Variants in ATP8A2 observed in about 807,000 individuals in gnomAD.
ATP8A2 encodes phospholipid-transporting ATPase IB.
Under a neutral mutation model 165.6 loss-of-function variants are expected in ATP8A2, and 100 were observed. The observed-to-expected ratio is 0.60, with a 90% confidence interval of 0.51 to 0.71. The LOEUF is 0.71. ATP8A2 is among the 30% of genes least tolerant of loss of function. The pLI is 0.00. For synonymous variants in ATP8A2, 543 were observed against 548.8 expected (o/e 0.99, Z 0.15); for missense variants, 1,227 against 1,479.5 (o/e 0.83, Z 2.80).
At chr13:26,018,026 T>A (rs1462017726) in intron 36 of ATP8A2, among the ~76,000 whole-genome samples, 1 of 152,230 alleles carries the variant, frequency 6.6e-6, no homozygotes, top group Non-Finnish European at 1.5e-5. Context: ...TCACCCTGGC[T>A]CAGCTTGTAT....
chr13:25,613,153 C>T (rs1258030891), intron 24 of ATP8A2, among the ~76,000 whole-genome samples: 1 of 152,138 alleles, frequency 6.6e-6, no homozygotes, highest in African/African-American at 2.4e-5. Flanking sequence ...AGGTACTATT[C>T]TATTCATCAT....
At chr13:25,698,866 A>G (rs1051319945) in intron 24 of ATP8A2, among the ~76,000 whole-genome samples, 10 of 152,202 alleles carry the variant, frequency 6.6e-5, no homozygotes, top group Non-Finnish European at 1.0e-4. Context: ...ATCTTTCCCC[A>G]AAAAGCACAT....
chr13:25,414,225 C>T (rs1292114962), intron 1 of ATP8A2, among the ~76,000 whole-genome samples: 1 of 140,036 alleles, frequency 7.1e-6, no homozygotes, highest in Non-Finnish European at 1.5e-5. Flanking sequence ...GAGTCTCGCT[C>T]TGTCGCCCAG....
At chr13:25,955,465 A>G (rs1159465230) in intron 33 of ATP8A2, among the ~76,000 whole-genome samples, 1 of 152,276 alleles carries the variant, frequency 6.6e-6, no homozygotes, top group Non-Finnish European at 1.5e-5. Flanking sequence ...TCCCATAGAA[A>G]TACAAACTAC....
intron 1 of ATP8A2, among the ~76,000 whole-genome samples, chr13:25,427,634 G>A (rs1566124217): frequency 6.6e-6 from 1 of 152,152 alleles, no homozygotes; most frequent in Non-Finnish European, 1.5e-5. Flanking sequence ...AGTGGCTCAT[G>A]CCTGTAATCC....
In ATP8A2 at chr13:25,553,682, C is replaced by T. The variant is rs138639453; in HGVS notation, c.1058-111C>T. The T allele has an allele frequency of 4.4e-3, 4,942 of 1,123,814 alleles. 15 individuals carry two copies. The highest frequency in any genetic ancestry group is 5.4e-3 in the Non-Finnish European group (4,170 of 778,532). The allele number at this position is 1,123,814 out of a possible 1,614,324, so 69.6% of individuals were successfully genotyped here. A position where few individuals can be genotyped will look rare whatever the true frequency, so the allele number is the denominator to read the frequency against. ...CTACAGAAAGCAGCCTTTGAACTCACGGTTCCTGACATGCAGGAGGTGCTC... is the reference window on the plus strand; with the variant it reads ...CTACAGAAAGCAGCCTTTGAACTCATGGTTCCTGACATGCAGGAGGTGCTC... On this transcript the variant is annotated intron_variant, in intron 11 of 36. Coordinates refer to ENST00000381655, the MANE Select transcript of ATP8A2 (RefSeq NM_016529.6).
chr13:25,608,940 C>G (rs1404291876), intron 24 of ATP8A2, among the ~76,000 whole-genome samples: 2 of 152,094 alleles, frequency 1.3e-5, no homozygotes, highest in East Asian at 3.9e-4. Context: ...AATCCAGTGT[C>G]AAAGAGGAAA....
chr13:25,446,348 C>T (rs1028376268), intron 1 of ATP8A2, among the ~76,000 whole-genome samples: 5 of 152,168 alleles, frequency 3.3e-5, no homozygotes, highest in African/African-American at 7.2e-5. Context: ...CCCAAATGAG[C>T]GCAGAATTTG....
chr13:25,719,283 G>A (rs1182110876), intron 25 of ATP8A2, among the ~76,000 whole-genome samples: 1 of 138,348 alleles, frequency 7.2e-6, no homozygotes, highest in African/African-American at 3.3e-5. Flanking sequence ...ATTCACAGAG[G>A]AGAAAGAAAA....
At chr13:25,751,209 GC>G (rs576050283) in intron 25 of ATP8A2, among the ~76,000 whole-genome samples, 1,639 of 152,256 alleles carry the variant, frequency 0.011, 17 homozygotes, top group Non-Finnish European at 0.019. Context: ...TGCCCTGAGG[GC>G]CCCAGACTGT....
chr13:25,942,572 A>G (rs1219616528), intron 33 of ATP8A2, among the ~76,000 whole-genome samples: 1 of 152,056 alleles, frequency 6.6e-6, no homozygotes, highest in Admixed American at 6.6e-5. Flanking sequence ...ACAGGTGCGT[A>G]CCACCACACC....
intron 33 of ATP8A2, among the ~76,000 whole-genome samples, chr13:25,914,621 C>G (rs568290300): frequency 5.3e-5 from 8 of 152,178 alleles, no homozygotes; most frequent in Admixed American, 1.3e-4. Flanking sequence ...TGGTGTGGCC[C>G]TGTCATCTTC....
At chr13:25,664,275 A>G (rs1456069002) in intron 24 of ATP8A2, among the ~76,000 whole-genome samples, 1 of 152,238 alleles carries the variant, frequency 6.6e-6, no homozygotes, top group African/African-American at 2.4e-5. Flanking sequence ...ATCTTTACTT[A>G]CAATAAAATA....
chr13:25,847,303 A>G (rs1456843688), intron 30 of ATP8A2, among the ~76,000 whole-genome samples: 1 of 152,220 alleles, frequency 6.6e-6, no homozygotes, highest in African/African-American at 2.4e-5. Context: ...CAGGTTTCCA[A>G]ATTCAAATGC....
intron 1 of ATP8A2, among the ~76,000 whole-genome samples, chr13:25,433,797 A>C (rs2034678668): frequency 6.6e-6 from 1 of 152,230 alleles, no homozygotes; most frequent in African/African-American, 2.4e-5. Flanking sequence ...CTACACAGCC[A>C]TAAAACAGAA....
At chr13:25,496,720 A>G (rs1220800416) in intron 2 of ATP8A2, among the ~76,000 whole-genome samples, 1 of 152,216 alleles carries the variant, frequency 6.6e-6, no homozygotes. Context: ...AGGATTTTAA[A>G]AAAAGTCCTA....
chr13:25,717,257 G>A (rs2043273587), intron 25 of ATP8A2, among the ~76,000 whole-genome samples: 1 of 152,126 alleles, frequency 6.6e-6, no homozygotes, highest in Admixed American at 6.5e-5. Context: ...GGGAGGATTT[G>A]TAGTCACATA....
intron 33 of ATP8A2, among the ~76,000 whole-genome samples, chr13:25,905,341 T>G (rs533245378): frequency 6.6e-6 from 1 of 152,286 alleles, no homozygotes; most frequent in South Asian, 2.1e-4. Flanking sequence ...CGAATTTAGT[T>G]TCCTATTATC....
intron 21 of ATP8A2, 138 bp downstream of exon 21, chr13:25,579,037 C>T: frequency 1.5e-6 from 1 of 669,004 alleles, no homozygotes; most frequent in South Asian, 1.7e-5. Context: ...GATGCATAGC[C>T]AAATCCAAAC....
Sources: allele counts gnomAD v4.1 joint callset (sites outside exome capture counted in the v4.1 genomes callset), GRCh38; gene constraint gnomAD v4.1.1; transcripts MANE v1.5; gene names NCBI Gene and HGNC (gene_info 2026-07-23, HGNC 2026-07-21).